The following MLLT3 variants were observed in gnomAD, a reference collection of about 807,000 sequenced individuals.
MLLT3 encodes MLLT3 super elongation complex subunit, also known as protein AF-9.
In MLLT3, 4 loss-of-function variants were observed where a neutral mutation model predicts 53.2. The ratio of observed to expected loss-of-function variants is 0.08; its 90% CI spans 0.04 to 0.17. MLLT3 has a LOEUF of 0.17. Among genes scored for constraint, MLLT3 ranks in the 10% least tolerant of loss-of-function variants. MLLT3 has a pLI of 1.00. For missense variants in MLLT3, 569 were observed against 684.0 expected (o/e 0.83, Z 1.87); for synonymous variants, 283 against 230.6 (o/e 1.23, Z -2.06).
At chr9:20,474,822 T>C (rs1254025291) in intron 2 of MLLT3, among the ~76,000 whole-genome samples, 2 of 152,132 alleles carry the variant, frequency 1.3e-5, no homozygotes, top group African/African-American at 4.8e-5. Context: ...GCAAAAAATA[T>C]GTTTTAATAT....
At chr9:20,454,900 C>T (rs752974963) in intron 3 of MLLT3, among the ~76,000 whole-genome samples, 1 of 152,004 alleles carries the variant, frequency 6.6e-6, no homozygotes, top group Non-Finnish European at 1.5e-5. Flanking sequence ...AAATGAACAA[C>T]GAGCACATGA....
intron 2 of MLLT3, among the ~76,000 whole-genome samples, chr9:20,619,177 T>G (rs567213656): frequency 6.6e-6 from 1 of 152,240 alleles, no homozygotes; most frequent in Non-Finnish European, 1.5e-5. Context: ...TAATAATCTC[T>G]GACTATATTT....
At chr9:20,403,482 G>T in intron 5 of MLLT3, among the ~76,000 whole-genome samples, 1 of 152,074 alleles carries the variant, frequency 6.6e-6, no homozygotes, top group South Asian at 2.1e-4. Context: ...AGGCTTATTG[G>T]TTTATTATAC....
At chr9:20,397,532 T>C (rs966575010) in intron 5 of MLLT3, among the ~76,000 whole-genome samples, 2 of 152,072 alleles carry the variant, frequency 1.3e-5, no homozygotes, top group African/African-American at 2.4e-5. Context: ...AAAAGCTGGG[T>C]AGAAAGGCAG....
At chr9:20,514,276 G>A (rs1428919105) in intron 2 of MLLT3, among the ~76,000 whole-genome samples, 3 of 152,140 alleles carry the variant, frequency 2.0e-5, no homozygotes, top group Non-Finnish European at 4.4e-5. Flanking sequence ...ATGAGTGGAG[G>A]TTTTAGTGTC....
rs147941928 is a variant in MLLT3, at chr9:20,379,025, T to C, written c.1126-13281A>G. Among the ~76,000 whole-genome samples, 977 of 152,184 alleles carry C rather than the reference T, an allele frequency of 6.4e-3. 7 individuals carry two copies. Among genetic ancestry groups the C allele is most frequent in the Non-Finnish European group, 9.5e-3 (644 of 67,928 alleles). ...CACACATCTTATATAAGCCTAACAG[T>C]TGCTTTTCTTCATAAATCAATCTAT... On this transcript the variant is annotated intron_variant, in intron 5 of 10. Transcript: ENST00000380338.
At chr9:20,554,944 C>T (rs1049295920) in intron 2 of MLLT3, among the ~76,000 whole-genome samples, 17 of 152,210 alleles carry the variant, frequency 1.1e-4, no homozygotes, top group Admixed American at 7.9e-4. Context: ...GCCTAATGAA[C>T]GGTGGAAAGA....
intron 2 of MLLT3, among the ~76,000 whole-genome samples, chr9:20,464,620 CT>C (rs1380805526): frequency 6.6e-6 from 1 of 151,920 alleles, no homozygotes; most frequent in Non-Finnish European, 1.5e-5. Context: ...CATAGTCCCT[CT>C]TTAAGGAAGT....
intron 5 of MLLT3, among the ~76,000 whole-genome samples, chr9:20,401,670 C>T (rs1822460751): frequency 6.6e-6 from 1 of 152,144 alleles, no homozygotes; most frequent in African/African-American, 2.4e-5. Context: ...AGTGAGTCAG[C>T]TTCTTTTTAA....
chr9:20,622,425 C>A lies in MLLT3; in HGVS notation c.-169G>T, dbSNP rs964872621. 4.9e-6 allele frequency: 3 copies of A among 608,876 alleles called. No individual in the cohort carries two copies. The highest frequency in any genetic ancestry group is 6.4e-5 in the East Asian group (2 of 31,274). 37.7% of individuals were successfully genotyped at this position (608,876 alleles called of 1,614,324 possible). On this transcript the variant is annotated 5_prime_UTR_variant, in exon 1 of 11. Transcript: ENST00000380338. ...TTCCCCCCGCGCTCGCTTGCTCGCTCGCTCGCTTATTAAACTCAGCCCCAA... is the reference window on the plus strand; with the variant it reads ...TTCCCCCCGCGCTCGCTTGCTCGCTAGCTCGCTTATTAAACTCAGCCCCAA...
rs138309177 is a variant in MLLT3, at chr9:20,522,754, A to G, written c.194-65968T>C. On this transcript the variant is annotated intron_variant, in intron 2 of 10. Coordinates refer to ENST00000380338, the MANE Select transcript of MLLT3 (RefSeq NM_004529.4). The stretch of plus-strand genomic sequence containing the variant: ...CACAGACTAGAAGGAAATAAATGAC[A>G]TATTTGATAAAGGATATACAATATA... 2.0e-3 allele frequency among the ~76,000 whole-genome samples: 298 copies of G among 152,310 alleles called. 2 individuals carry two copies. Among genetic ancestry groups the G allele is most frequent in the African/African-American group, 6.9e-3 (285 of 41,588 alleles).
chr9:20,350,266 AAAT>A (rs1378287397), intron 10 of MLLT3, among the ~76,000 whole-genome samples: 1 of 152,300 alleles, frequency 6.6e-6, no homozygotes, highest in African/African-American at 2.4e-5. Context: ...CGTCTGTCCA[AAAT>A]AATAATAATA....
rs912404711 is a variant in MLLT3 at position 20,346,194 on chromosome 9, G to A, written c.*249C>T. On this transcript the variant is annotated 3_prime_UTR_variant, in exon 11 of 11. Coordinates refer to ENST00000380338, the MANE Select transcript of MLLT3 (RefSeq NM_004529.4). ...AAGGCTATCCAGGCTAACTCTTCCC[G>A]GGGATTTCCTTGGAGAGAAGAGTGG... is the stretch of plus-strand genomic sequence containing the variant. 16 of 376,560 alleles carry A rather than the reference G, an allele frequency of 4.2e-5. No individual in the cohort carries two copies. Among genetic ancestry groups the A allele is most frequent in the South Asian group, 9.7e-5 (2 of 20,562 alleles). The allele number at this position is 376,560 out of a possible 1,614,324, so 23.3% of individuals were successfully genotyped here. A position where few individuals can be genotyped will look rare whatever the true frequency, so the allele number is the denominator to read the frequency against.
At chr9:20,601,182 C>T (rs1820412844) in intron 2 of MLLT3, among the ~76,000 whole-genome samples, 1 of 152,152 alleles carries the variant, frequency 6.6e-6, no homozygotes, top group Non-Finnish European at 1.5e-5. Context: ...TAAGTAGAGA[C>T]ATACCATGAT....
At chr9:20,610,363 T>G (rs567944135) in intron 2 of MLLT3, among the ~76,000 whole-genome samples, 2 of 152,184 alleles carry the variant, frequency 1.3e-5, no homozygotes. Context: ...AAATTCATTT[T>G]TGCCTATTAC....
chr9:20,358,281 G>A (rs1468255899), intron 8 of MLLT3, among the ~76,000 whole-genome samples: 1 of 152,112 alleles, frequency 6.6e-6, no homozygotes, highest in Non-Finnish European at 1.5e-5. Context: ...AAGAAGGTAA[G>A]CCCTCCTGTG....
chr9:20,532,099 C>T (rs1296136533), intron 2 of MLLT3, among the ~76,000 whole-genome samples: 2 of 152,050 alleles, frequency 1.3e-5, no homozygotes, highest in Non-Finnish European at 2.9e-5. Flanking sequence ...GTTAACGGCC[C>T]CTAAATGTCA....
intron 2 of MLLT3, among the ~76,000 whole-genome samples, chr9:20,581,951 A>G (rs770064474): frequency 6.6e-6 from 1 of 152,218 alleles, no homozygotes; most frequent in Non-Finnish European, 1.5e-5. Context: ...ACAAAGTTCT[A>G]TATCTGATGC....
In MLLT3 at chr9:20,621,636, G is replaced by T. The variant is rs1337698434; in HGVS notation, c.12+609C>A. The T allele has an allele frequency of 2.5e-6, 2 of 809,518 alleles. No homozygotes were observed. Among genetic ancestry groups the T allele is most frequent in the African/African-American group, 3.7e-5 (2 of 54,000 alleles). 50.1% of individuals were successfully genotyped at this position (809,518 alleles called of 1,614,324 possible). On this transcript the variant is annotated intron_variant, in intron 1 of 10. Transcript: ENST00000380338. The surrounding 1 kb of genome is among the most constrained non-coding windows in gnomAD (Gnocchi z 7.0). Reference sequence around the variant, plus strand: ...CCCCCAAAAAATGAAATTCAGAAAGGCAGGGCGGCGGGCGGACAGCCGCCG... The same window carrying T: ...CCCCCAAAAAATGAAATTCAGAAAGTCAGGGCGGCGGGCGGACAGCCGCCG...
Sources: gnomAD v4.1 joint callset for allele counts (sites outside exome capture counted in the v4.1 genomes callset) on GRCh38, gnomAD v4.1.1 for gene constraint, Gnocchi (gnomAD v3.1) non-coding constraint, MANE v1.5 for transcripts, NCBI Gene and HGNC (gene_info 2026-07-23, HGNC 2026-07-21) for gene names.